Variants in KLHL4 observed in about 807,000 individuals in gnomAD.
KLHL4 encodes kelch like family member 4.
A neutral mutation model predicts 45.8 loss-of-function variants in KLHL4; 17 were observed. That is an observed-to-expected ratio of 0.37 (90% CI 0.25 to 0.56). The LOEUF (loss-of-function observed/expected upper bound fraction) is 0.56. Ranked by LOEUF, KLHL4 falls within the 20% of genes least tolerant of loss-of-function variation. The pLI, the probability that KLHL4 is intolerant of heterozygous loss-of-function variation, is 0.79. For missense variants in KLHL4, 544 were observed against 544.9 expected (o/e 1.00, Z 0.02); for synonymous variants, 224 against 189.9 (o/e 1.18, Z -1.47).
intron 1 of KLHL4, among the ~76,000 whole-genome samples, chrX:87,534,509 G>A (rs778392676): frequency 3.6e-5 from 4 of 111,305 alleles, no homozygotes; most frequent in Admixed American, 9.6e-5. Context: ...TGACTTACAA[G>A]TTCCCTCATG....
chrX:87,572,131 T>C (rs1312776380), intron 1 of KLHL4, among the ~76,000 whole-genome samples: 4 of 111,547 alleles, frequency 3.6e-5, no homozygotes, highest in Non-Finnish European at 3.8e-5. Context: ...TTGTGGTTCT[T>C]GGTAAAGAAA....
At chrX:87,643,084 A>G in intron 9 of KLHL4, among the ~76,000 whole-genome samples, 2 of 111,833 alleles carry the variant, frequency 1.8e-5, no homozygotes, top group Middle Eastern at 9.2e-3. Context: ...TCAGAGCAGA[A>G]CTAAATGAAA....
intron 1 of KLHL4, among the ~76,000 whole-genome samples, chrX:87,612,000 G>GT (rs1183469177): frequency 1.8e-5 from 2 of 111,824 alleles, no homozygotes; most frequent in Admixed American, 9.6e-5. Context: ...ATAAGAAAAT[G>GT]TTTTTTACAT....
chrX:87,614,084 C>A, intron 2 of KLHL4, 40 bp downstream of exon 2: 1 of 977,082 alleles, frequency 1.0e-6, no homozygotes, highest in Non-Finnish European at 1.4e-6. Context: ...TTGAGTAGGG[C>A]AATTATAAAT....
At chrX:87,524,842 T>A (rs1309998816) in intron 1 of KLHL4, among the ~76,000 whole-genome samples, 1 of 111,947 alleles carries the variant, frequency 8.9e-6, no homozygotes, top group Non-Finnish European at 1.9e-5. Context: ...TATTCTATGA[T>A]TAAACTATCA....
At chrX:87,656,311 A>T (rs765004339) in intron 9 of KLHL4, among the ~76,000 whole-genome samples, 10 of 110,766 alleles carry the variant, frequency 9.0e-5, no homozygotes, top group African/African-American at 2.9e-4. Context: ...TCCCCCAGGA[A>T]TACCTATAAT....
intron 1 of KLHL4, among the ~76,000 whole-genome samples, chrX:87,605,085 T>G (rs1230850454): frequency 3.6e-5 from 4 of 111,491 alleles, no homozygotes; most frequent in Non-Finnish European, 7.5e-5. Context: ...ATGTGTGAAT[T>G]TATTTCTGGG....
intron 1 of KLHL4, among the ~76,000 whole-genome samples, chrX:87,575,495 G>T (rs1921070722): frequency 1.8e-5 from 2 of 111,757 alleles, no homozygotes; most frequent in Non-Finnish European, 3.8e-5. Flanking sequence ...TGCTGGTATA[G>T]GTGATAATGA....
Position 87,622,833 on chromosome X carries a change from C to T in KLHL4, c.1137+410C>T, listed in dbSNP as rs948404464. Among the ~76,000 whole-genome samples the T allele has an allele frequency of 3.6e-5, 4 of 110,934 alleles. No individual in the cohort carries two copies. In the South Asian group the frequency reaches 1.1e-3, roughly 31 times the overall value. On this transcript the variant is annotated intron_variant, in intron 5 of 10. Transcript: ENST00000373119. ...TAATATCTTTTAATATTATCCGCTACGATCAAAAGAATGCTATCATACTTT... is the reference window on the plus strand; with the variant it reads ...TAATATCTTTTAATATTATCCGCTATGATCAAAAGAATGCTATCATACTTT...
chrX:87,613,591 A>G (rs1485695952), intron 1 of KLHL4, among the ~76,000 whole-genome samples: 2 of 111,905 alleles, frequency 1.8e-5, no homozygotes, highest in East Asian at 5.6e-4. Context: ...GTCTGTGAAT[A>G]TAACAACCAG....
chrX:87,549,725 A>G (rs1207160348), intron 1 of KLHL4, among the ~76,000 whole-genome samples: 1 of 111,474 alleles, frequency 9.0e-6, no homozygotes, highest in Middle Eastern at 4.3e-3. Flanking sequence ...TGACAAAAAC[A>G]ATAGTGGAAA....
chrX:87,557,095 C>T lies in KLHL4; in HGVS notation c.422+38780C>T, dbSNP rs139093585. On this transcript the variant is annotated intron_variant, in intron 1 of 10. Coordinates refer to ENST00000373119, the MANE Select transcript of KLHL4 (RefSeq NM_019117.5). ...TCTACAAAACATGTAAAATTATATGCCATCATAAAAATATACTTGGTTGAT... is the reference window on the plus strand; with the variant it reads ...TCTACAAAACATGTAAAATTATATGTCATCATAAAAATATACTTGGTTGAT... Among the ~76,000 whole-genome samples, 263 of 111,884 alleles carry T rather than the reference C, an allele frequency of 2.4e-3. 3 individuals carry two copies. The East Asian group carries it at 0.049, about 21-fold the overall frequency.
In KLHL4 at chrX:87,666,692, G is replaced by A. The variant is rs957025418; in HGVS notation, c.*158G>A. 2 of 979,327 alleles carry A rather than the reference G, an allele frequency of 2.0e-6. No homozygotes were observed. Among genetic ancestry groups the A allele is most frequent in the Non-Finnish European group, 2.6e-6 (2 of 778,042 alleles). 80.7% of individuals were successfully genotyped at this position (979,327 alleles called of 1,213,427 possible). A position where few individuals can be genotyped will look rare whatever the true frequency, so the allele number is the denominator to read the frequency against. On this transcript the variant is annotated 3_prime_UTR_variant, in exon 11 of 11. Transcript: ENST00000373119. ...TTTGTAGTTACAATTGCTTTCATTC[G>A]TGAAGCCGAAACGTTTTTAAACATG...
chrX:87,564,755 C>G (rs1932172711), intron 1 of KLHL4, among the ~76,000 whole-genome samples: 2 of 111,094 alleles, frequency 1.8e-5, no homozygotes, highest in Admixed American at 1.9e-4. Context: ...AATAATAGAA[C>G]AATTATACAG....
chrX:87,633,708 G>A lies in KLHL4; in HGVS notation c.1550-41G>A, dbSNP rs373142185. 3.8e-6 allele frequency: 4 copies of A among 1,062,694 alleles called. No individual in the cohort carries two copies. The Admixed American group carries it at 1.1e-4, about 30-fold the overall frequency. 87.6% of individuals were successfully genotyped at this position (1,062,694 alleles called of 1,213,427 possible). A position where few individuals can be genotyped will look rare whatever the true frequency, so the allele number is the denominator to read the frequency against. ...AAAATGAAACAATATTCAGTGTGTG[G>A]CATACCTAGGTGAACCCACATATTA... On this transcript the variant is annotated intron_variant, in intron 7 of 10. Coordinates refer to ENST00000373119, the MANE Select transcript of KLHL4 (RefSeq NM_019117.5).
chrX:87,633,443 C>A (rs1020145371), intron 7 of KLHL4, among the ~76,000 whole-genome samples: 8 of 110,957 alleles, frequency 7.2e-5, no homozygotes, highest in African/African-American at 1.3e-4. Flanking sequence ...TGAAATTTTG[C>A]CAGAAAAAGC....
intron 1 of KLHL4, among the ~76,000 whole-genome samples, chrX:87,592,128 T>G (rs1486643317): frequency 9.0e-6 from 1 of 111,526 alleles, no homozygotes; most frequent in African/African-American, 3.3e-5. Flanking sequence ...TTACTATGCC[T>G]GGCTTAATTC....
intron 9 of KLHL4, among the ~76,000 whole-genome samples, chrX:87,661,425 G>A (rs1924185675): frequency 9.1e-6 from 1 of 110,324 alleles, no homozygotes; most frequent in East Asian, 2.8e-4. Context: ...CATTTTCTTA[G>A]CTTTATTCTG....
At chrX:87,634,221 T>C (rs1294784774) in intron 8 of KLHL4, among the ~76,000 whole-genome samples, 1 of 111,902 alleles carries the variant, frequency 8.9e-6, no homozygotes, top group Non-Finnish European at 1.9e-5. Flanking sequence ...GTTCTAATTT[T>C]ACCCTCAAGA....
Sources: allele counts gnomAD v4.1 joint callset (sites outside exome capture counted in the v4.1 genomes callset), GRCh38; gene constraint gnomAD v4.1.1; transcripts MANE v1.5; gene names NCBI Gene and HGNC (gene_info 2026-07-23, HGNC 2026-07-21).